The following FAR1 variants were observed in gnomAD, a reference collection of about 807,000 sequenced individuals.
FAR1 encodes the protein male sterility domain-containing protein 2.
A neutral mutation model predicts 61.1 loss-of-function variants in FAR1; 22 were observed. The ratio of observed to expected loss-of-function variants is 0.36; its 90% CI spans 0.26 to 0.51. The LOEUF is 0.51. FAR1 is among the 20% of genes least tolerant of loss of function. The probability of loss-of-function intolerance (pLI) is 0.95; values close to 1 mark genes in which losing one functional copy is unlikely to be tolerated. For missense variants in FAR1, 359 were observed against 626.9 expected, an observed-to-expected ratio of 0.57 and a Z score of 4.56; for synonymous variants, 206 against 209.7, an observed-to-expected ratio of 0.98 and a Z score of 0.15.
Position 13,696,306 on chromosome 11 carries a change from GGGGT to G in FAR1, c.189+1355_189+1358del, listed in dbSNP as rs551882135. On this transcript the variant is annotated intron_variant, in intron 2 of 11. Coordinates refer to ENST00000354817, the MANE Select transcript of FAR1 (RefSeq NM_032228.6). ...GTCCTGGGCACTTGACTTGTTGTAG[GGGGT>G]GGAATTCAGGGATAAGTAAGATACG... 2.9e-4 allele frequency among the ~76,000 whole-genome samples: 44 copies of G among 152,200 alleles called. No individual in the cohort carries two copies. In the East Asian group the frequency reaches 7.9e-3, roughly 27 times the overall value.
rs139902063 is a variant in FAR1 at position 13,708,447 on chromosome 11, G to GCGCACACACACACACACA, written c.545+369_545+370insGCACACACACACACACAC. On this transcript the variant is annotated intron_variant, in intron 4 of 11. Transcript: ENST00000354817. ...CCCATATACATGTGCGCGCGCGCGC[G>GCGCACACACACACACACA]CACACACACACACACACACACACAC... is the stretch of plus-strand genomic sequence containing the variant. Among the ~76,000 whole-genome samples, 233 of 136,700 alleles carry GCGCACACACACACACACA rather than the reference G, an allele frequency of 1.7e-3. 3 individuals carry two copies. The highest frequency in any genetic ancestry group is 2.1e-3 in the African/African-American group (75 of 36,224). The allele number at this position is 136,700 out of a possible 152,430, so 89.7% of individuals were successfully genotyped here.
rs1345464450 is a variant in FAR1, at chr11:13,729,436, C to T, written c.*662C>T. 2 of 151,878 alleles carry T rather than the reference C, an allele frequency of 1.3e-5. No homozygotes were observed. The highest frequency in any genetic ancestry group is 2.9e-5 in the Non-Finnish European group (2 of 67,830). The allele number at this position is 151,878 out of a possible 1,614,324, so 9.4% of individuals were successfully genotyped here. On this transcript the variant is annotated 3_prime_UTR_variant, in exon 12 of 12. Coordinates refer to ENST00000354817, the MANE Select transcript of FAR1 (RefSeq NM_032228.6). ...TATTATTCTAATGACCCTATTCGAT[C>T]TAAATGGGTTTGAGAATCCATATCA...
intron 2 of FAR1, among the ~76,000 whole-genome samples, chr11:13,696,715 C>T (rs1848309642): frequency 6.6e-6 from 1 of 152,154 alleles, no homozygotes; most frequent in Non-Finnish European, 1.5e-5. Context: ...TATCCTACCA[C>T]TTAATCCTAA....
Position 13,721,645 on chromosome 11 carries a change from A to C in FAR1, c.1128-85A>C. 4 of 1,022,744 alleles carry C rather than the reference A, an allele frequency of 3.9e-6. No individual in the cohort carries two copies. The highest frequency in any genetic ancestry group is 5.8e-6 in the Non-Finnish European group (4 of 688,508). The allele number at this position is 1,022,744 out of a possible 1,614,324, so 63.4% of individuals were successfully genotyped here. A position where few individuals can be genotyped will look rare whatever the true frequency, so the allele number is the denominator to read the frequency against. ...ATTTTAATACTAATGTCTATATTAT[A>C]GGGGGAAACTTGCACCCTGGGTGGT... is the stretch of plus-strand genomic sequence containing the variant. On this transcript the variant is annotated intron_variant, in intron 9 of 11. Transcript: ENST00000354817. This position sits in a 1 kb window ranked among gnomAD's most constrained non-coding sequence, Gnocchi z 4.2.
Position 13,701,091 on chromosome 11 carries a change from A to G in FAR1, c.365+599A>G, listed in dbSNP as rs559586315. On this transcript the variant is annotated intron_variant, in intron 3 of 11. Transcript: ENST00000354817. ...AAAATCTAATGAGTATGCATTTCAA[A>G]TAATGGTTCTGAATTCAGAGCATTC... Among the ~76,000 whole-genome samples, 4 of 152,236 alleles carry G rather than the reference A, an allele frequency of 2.6e-5. No homozygotes were observed. The South Asian group carries it at 8.3e-4, about 32-fold the overall frequency.
intron 4 of FAR1, among the ~76,000 whole-genome samples, chr11:13,708,771 G>GTA (rs890353926): frequency 1.3e-5 from 2 of 152,076 alleles, no homozygotes; most frequent in East Asian, 1.9e-4. Flanking sequence ...CAGCCATGGA[G>GTA]TATATATATA....
At chr11:13,678,176 G>T (rs1467264196) in intron 1 of FAR1, among the ~76,000 whole-genome samples, 1 of 152,140 alleles carries the variant, frequency 6.6e-6, no homozygotes, top group Non-Finnish European at 1.5e-5. Context: ...GAAGTTTTTG[G>T]TACATTCTAG....
chr11:13,676,825 T>A (rs896852302), intron 1 of FAR1, among the ~76,000 whole-genome samples: 1 of 152,168 alleles, frequency 6.6e-6, no homozygotes, highest in Non-Finnish European at 1.5e-5. Context: ...TTGTGACCTG[T>A]TGGAGTTAAT....
intron 1 of FAR1, among the ~76,000 whole-genome samples, chr11:13,681,491 A>C (rs1848126588): frequency 6.6e-6 from 1 of 152,214 alleles, no homozygotes; most frequent in African/African-American, 2.4e-5. Context: ...CTTGTAAATC[A>C]CTTGTAGCCA....
chr11:13,689,659 G>A (rs959301522), intron 1 of FAR1, among the ~76,000 whole-genome samples: 1 of 152,074 alleles, frequency 6.6e-6, no homozygotes, highest in Non-Finnish European at 1.5e-5. Context: ...AATCAAGAGT[G>A]GAATTGCTAG....
At chr11:13,675,673 A>G (rs572969534) in intron 1 of FAR1, among the ~76,000 whole-genome samples, 37 of 152,298 alleles carry the variant, frequency 2.4e-4, no homozygotes, top group Non-Finnish European at 4.9e-4. Flanking sequence ...TAATGGATCC[A>G]TTCTTGTTAG....
chr11:13,693,770 T>C (rs1848280009), intron 1 of FAR1, among the ~76,000 whole-genome samples: 1 of 152,214 alleles, frequency 6.6e-6, no homozygotes, highest in Non-Finnish European at 1.5e-5. Flanking sequence ...TATCTGTTTC[T>C]TCTAGAAATT....
intron 2 of FAR1, among the ~76,000 whole-genome samples, chr11:13,699,689 T>G (rs1388236875): frequency 2.6e-5 from 4 of 152,200 alleles, no homozygotes; most frequent in African/African-American, 7.2e-5. Context: ...CTAGCAAAAT[T>G]TATTCCTTTG....
intron 11 of FAR1, among the ~76,000 whole-genome samples, chr11:13,727,974 T>C (rs562086984): frequency 4.0e-5 from 6 of 151,886 alleles, no homozygotes; most frequent in Non-Finnish European, 8.8e-5. Flanking sequence ...TAAGCCATAT[T>C]GTATTGAGTG....
chr11:13,712,198 A>G, intron 7 of FAR1, 152 bp downstream of exon 7: 1 of 598,798 alleles, frequency 1.7e-6, no homozygotes, highest in Non-Finnish European at 3.0e-6. Flanking sequence ...TGGTATTATC[A>G]CAGACAATAG....
At chr11:13,670,938 A>G (rs1285747874) in intron 1 of FAR1, among the ~76,000 whole-genome samples, 1 of 152,190 alleles carries the variant, frequency 6.6e-6, no homozygotes, top group Non-Finnish European at 1.5e-5. Flanking sequence ...AGGTTTGTGA[A>G]GAGTTATAGA....
intron 1 of FAR1, among the ~76,000 whole-genome samples, chr11:13,670,459 T>C (rs1300250072): frequency 6.6e-6 from 1 of 152,044 alleles, no homozygotes. Context: ...CACCGGCTAA[T>C]TTTTGTATTT....
chr11:13,678,701 G>T (rs1298470649), intron 1 of FAR1, among the ~76,000 whole-genome samples: 1 of 151,390 alleles, frequency 6.6e-6, no homozygotes, highest in African/African-American at 2.4e-5. Flanking sequence ...TGAAGAGCAG[G>T]GCTTAGATAG....
At chr11:13,705,528 C>G (rs1262430007) in intron 3 of FAR1, among the ~76,000 whole-genome samples, 1 of 152,096 alleles carries the variant, frequency 6.6e-6, no homozygotes, top group Non-Finnish European at 1.5e-5. Context: ...GTACTTTTCC[C>G]AAAACATGGC....
Sources: gnomAD v4.1 joint callset for allele counts (sites outside exome capture counted in the v4.1 genomes callset) on GRCh38, gnomAD v4.1.1 for gene constraint, Gnocchi (gnomAD v3.1) non-coding constraint, MANE v1.5 for transcripts, NCBI Gene and HGNC (gene_info 2026-07-23, HGNC 2026-07-21) for gene names.